SPTA1: variants seen among roughly 807,000 people sequenced by gnomAD.
SPTA1 encodes the protein spectrin alpha chain, erythrocytic 1.
In SPTA1, 177 loss-of-function variants were observed where a neutral mutation model predicts 324.7. The observed-to-expected ratio is 0.55, with a 90% CI of 0.48 to 0.62. The LOEUF (loss-of-function observed/expected upper bound fraction) is 0.62, where lower values mean the gene tolerates loss of function less well. SPTA1 is among the 20% of genes least tolerant of loss of function. The pLI, the probability that SPTA1 is intolerant of heterozygous loss-of-function variation, is 0.00. For missense variants in SPTA1, 3,162 were observed against 2,883.6 expected (o/e 1.10, Z -2.21); for synonymous variants, 1,195 against 1,041.3 (o/e 1.15, Z -2.84).
chr1:158,623,841 G>A (rs990590147), intron 42 of SPTA1, among the ~76,000 whole-genome samples: 1 of 152,200 alleles, frequency 6.6e-6, no homozygotes, highest in Non-Finnish European at 1.5e-5. Flanking sequence ...ACCTGAAAAT[G>A]TGGAAGTGAC....
In SPTA1 at chr1:158,657,593, C is replaced by G. The variant is rs1652920027; in HGVS notation, c.2689G>C (p.Ala897Pro). 2 of 1,614,080 alleles carry G rather than the reference C, an allele frequency of 1.2e-6. No homozygotes were observed. Among genetic ancestry groups the G allele is most frequent in the Non-Finnish European group, 1.7e-6 (2 of 1,179,996 alleles). The change falls in exon 19 of 52, where the codon GCC becomes CCC. Residue 897 changes from alanine (A) to proline (P), a missense_variant. Ala to Pro is a conservative substitution (Grantham distance 27). Coordinates refer to ENST00000643759, the MANE Select transcript of SPTA1 (RefSeq NM_003126.4). ...RAARRQNDLE[A>P]NVQFQQYLAD... ...AGGTACTGCTGGAACTGGACATTGG[C>G]TTCAAGATCATTTTGTCGCCTAGCA...
Position 158,652,647 on chromosome 1 carries a change from G to A in SPTA1, c.3195C>T (p.Arg1065=). 6.2e-7 allele frequency: 1 copy of A among 1,614,112 alleles called. No individual in the cohort carries two copies. The part of the protein sequence containing the change: ...QRQEQIENQY[R]SLLDRAEERR... ...GTTCTTCTGCCCGATCCAAGAGGGAGCGGTATCTGGATGGAGAATTGGGAA... is the reference window on the plus strand; with the variant it reads ...GTTCTTCTGCCCGATCCAAGAGGGAACGGTATCTGGATGGAGAATTGGGAA... The change falls in exon 23 of 52, where the codon CGC becomes CGT. Residue 1065 remains arginine (R), a synonymous_variant. Transcript: ENST00000643759.
chr1:158,633,661 GAAAAAAAAA>G (rs1036389907), intron 39 of SPTA1, among the ~76,000 whole-genome samples: 2 of 61,234 alleles, frequency 3.3e-5, no homozygotes, highest in Non-Finnish European at 7.1e-5. Context: ...ACTCTGTCTC[GAAAAAAAAA>G]AAAAAAAAGA....
rs369680582 is a variant in SPTA1 at position 158,667,976 on chromosome 1, T to C, written c.1920A>G (p.Ile640Met). The C allele has an allele frequency of 1.5e-5, 24 of 1,613,760 alleles. No individual in the cohort carries two copies. The highest frequency in any genetic ancestry group is 1.9e-5 in the Non-Finnish European group (23 of 1,179,980). ...LAVNKTQLEN[I>M]QKTGQEMIEG... ...CAATCATCTCTTGGCCAGTTTTCTG[T>C]ATGTTTTCCAGCTGGGTCTTATTAA... Residue 640 changes from isoleucine (I) to methionine (M), a missense_variant, in exon 15 of 52, where the codon ATA becomes ATG. Coordinates refer to ENST00000643759, the MANE Select transcript of SPTA1 (RefSeq NM_003126.4).
At position 158,666,449 on chromosome 1, in the gene SPTA1, G is replaced by A; in HGVS notation, c.2087C>T (p.Ala696Val). Residue 696 changes from alanine to valine, a missense_variant, in exon 16 of 52, where the codon GCA (alanine) becomes GTA (valine). Transcript: ENST00000643759. ...ANQQLQFENN[A>V]EDLQRWLEDV... ...CTCCAGCCAGCGCTGCAAATCTTCT[G>A]CATTATTTTCAAATTGCAGCTGCTG... The A allele has an allele frequency of 6.2e-7, 1 of 1,612,914 alleles. No homozygotes were observed. Among genetic ancestry groups the A allele is most frequent in the African/African-American group, 1.3e-5 (1 of 74,976 alleles).
intron 16 of SPTA1, 105 bp downstream of exon 16, chr1:158,666,207 ATTAC>A (rs956201461): frequency 5.5e-6 from 6 of 1,091,600 alleles, no homozygotes; most frequent in East Asian, 2.6e-5. Flanking sequence ...ATTGCTTATT[ATTAC>A]TTATTAAGTA....
Position 158,628,502 on chromosome 1 carries a change from G to T in SPTA1, c.5566-779C>A, listed in dbSNP as rs528275388. The stretch of plus-strand genomic sequence containing the variant: ...AATAAAAGGACTTTCAGTTCATGGT[G>T]TTGAGGCACTAAAATAAGATGGTTA... On this transcript the variant is annotated intron_variant, in intron 39 of 51. Coordinates refer to ENST00000643759, the MANE Select transcript of SPTA1 (RefSeq NM_003126.4). Among the ~76,000 whole-genome samples, 7 of 152,284 alleles carry T rather than the reference G, an allele frequency of 4.6e-5. No homozygotes were observed. In the East Asian group the frequency reaches 1.3e-3, roughly 29 times the overall value.
At chr1:158,675,037 T>C (rs997796255) in intron 8 of SPTA1, among the ~76,000 whole-genome samples, 4 of 152,158 alleles carry the variant, frequency 2.6e-5, no homozygotes, top group African/African-American at 9.7e-5. Context: ...AATCACCTTA[T>C]GGGAAGGAAG....
intron 33 of SPTA1, among the ~76,000 whole-genome samples, chr1:158,641,180 A>G (rs1348850577): frequency 1.3e-5 from 2 of 152,134 alleles, no homozygotes; most frequent in African/African-American, 4.8e-5. Flanking sequence ...AAAGACTTAA[A>G]TGTTAGACCT....
At chr1:158,671,598 A>C in intron 11 of SPTA1, 145 bp from the exon 12 acceptor site, 2 of 706,830 alleles carry the variant, frequency 2.8e-6, no homozygotes, top group Non-Finnish European at 5.0e-6. Context: ...AATTAACTTT[A>C]AACAGCAGGA....
At position 158,626,175 on chromosome 1, in the gene SPTA1, C is replaced by A; in HGVS notation, c.5881G>T (p.Gly1961Cys). 2 of 1,613,742 alleles carry A rather than the reference C, an allele frequency of 1.2e-6. No individual in the cohort carries two copies. The highest frequency in any genetic ancestry group is 1.7e-6 in the Non-Finnish European group (2 of 1,179,730). ...LKTNGNGADL[G>C]DFLTLLAKQD... ...TTTGCCAGAAGAGTGAGGAAGTCAC[C>A]AAGGTCTGCACCATTGCCATTGGTC... Residue 1961 changes from glycine (G) to cysteine (C), a missense_variant, in exon 42 of 52, where the codon GGT becomes TGT. Gly to Cys is a radical substitution (Grantham distance 159). Transcript: ENST00000643759.
Position 158,638,084 on chromosome 1 carries a change from T to A in SPTA1, c.5138A>T (p.Tyr1713Phe). ...AAHHEKLKEA[Y>F]ALFQFFQDLD... is the part of the protein sequence containing the mutation. Reference sequence around the variant, plus strand: ...ATCCTGGAAGAACTGGAACAAGGCATAGGCCTCTTTCAATTTTTCGTGGTG... The same window carrying A: ...ATCCTGGAAGAACTGGAACAAGGCAAAGGCCTCTTTCAATTTTTCGTGGTG... Residue 1713 changes from tyrosine (Y) to phenylalanine (F), a missense_variant, in exon 36 of 52, where the codon TAT (tyrosine) becomes TTT (phenylalanine). Tyr to Phe is a conservative substitution (Grantham distance 22, BLOSUM62 3). Transcript: ENST00000643759. 1 of 1,614,010 alleles carries A rather than the reference T, an allele frequency of 6.2e-7. No homozygotes were observed.
At chr1:158,670,642 T>C (rs1038526337) in intron 12 of SPTA1, among the ~76,000 whole-genome samples, 1 of 152,190 alleles carries the variant, frequency 6.6e-6, no homozygotes, top group Admixed American at 6.5e-5. Context: ...TACAATGTAT[T>C]GGACCCATGA....
At chr1:158,624,014 T>A (rs1375085202) in intron 42 of SPTA1, among the ~76,000 whole-genome samples, 1 of 152,202 alleles carries the variant, frequency 6.6e-6, no homozygotes, top group Non-Finnish European at 1.5e-5. Context: ...GCCCCAAGAC[T>A]TGGCAGCTTC....
rs1379377592 is a variant in SPTA1 at position 158,642,914 on chromosome 1, A to T, written c.4505T>A (p.Leu1502Gln). The T allele has an allele frequency of 6.2e-7, 1 of 1,613,684 alleles. No individual in the cohort carries two copies. The highest frequency in any genetic ancestry group is 1.3e-5 in the African/African-American group (1 of 74,872). ...CTCAAGGTCTCGGTAGAATTGTTTT[A>T]GGTTGGCATAGTCTCCAAGCTTTGT... ...ERTKLGDYAN[L>Q]KQFYRDLEEL... The change falls in exon 32 of 52, where the codon CTA becomes CAA. Residue 1502 changes from leucine (L) to glutamine (Q), a missense_variant. Coordinates refer to ENST00000643759, the MANE Select transcript of SPTA1 (RefSeq NM_003126.4).
chr1:158,675,070 C>A (rs1180422356), intron 8 of SPTA1, among the ~76,000 whole-genome samples: 1 of 152,092 alleles, frequency 6.6e-6, no homozygotes, highest in Non-Finnish European at 1.5e-5. Flanking sequence ...CATTAGGATT[C>A]CTCATCTATC....
Position 158,667,896 on chromosome 1 carries a change from C to G in SPTA1, c.2000G>C (p.Ser667Thr), listed in dbSNP as rs966176383. Residue 667 changes from serine to threonine, a missense_variant, in exon 15 of 52, where the codon AGC (serine) becomes ACC (threonine). Ser to Thr is a moderately conservative substitution (Grantham distance 58, BLOSUM62 1). Transcript: ENST00000643759. ...NVTTRLSEVASLWEELLEATK... is the reference protein window; with the variant it reads ...NVTTRLSEVATLWEELLEATK... ...AGCCTCCAGCAACTCCTCCCAGAGG[C>G]TGGCAACTTCACTCAGACGAGTGGT... 1.9e-6 allele frequency: 3 copies of G among 1,613,926 alleles called. No individual in the cohort carries two copies. The highest frequency in any genetic ancestry group is 1.7e-5 in the Admixed American group (1 of 59,986).
rs1224092272 is a variant in SPTA1, at chr1:158,648,513, T to C, written c.3710A>G (p.Asp1237Gly). 4 of 1,613,714 alleles carry C rather than the reference T, an allele frequency of 2.5e-6. No individual in the cohort carries two copies. In the Admixed American group the frequency reaches 5.0e-5, roughly 20 times the overall value. Residue 1237 changes from aspartate to glycine, a missense_variant, in exon 26 of 52, where the codon GAT becomes GGT. Transcript: ENST00000643759. ...GCTTTGAAGGACTTGTCTCACCTTA[T>C]CTCCCAGGGGTACGAGGTCCCTTTC... ...GFERDLVPLG[D>G]KVTILGETAE...
chr1:158,622,910 A>G lies in SPTA1; in HGVS notation c.6120+73T>C, dbSNP rs1279527904. The G allele has an allele frequency of 3.2e-5, 42 of 1,330,510 alleles. 2 individuals are homozygous for G. Among genetic ancestry groups the G allele is most frequent in the South Asian group, 2.2e-4 (19 of 84,628 alleles). 82.4% of individuals were successfully genotyped at this position (1,330,510 alleles called of 1,614,324 possible). On this transcript the variant is annotated intron_variant, in intron 43 of 51. Transcript: ENST00000643759. ...TTGTATTATCCAAACTGAGTTTCCA[A>G]TATCTGTTTCCGAATTTCATGGCTA...
Sources: allele counts gnomAD v4.1 joint callset (sites outside exome capture counted in the v4.1 genomes callset), GRCh38; gene constraint gnomAD v4.1.1; transcripts MANE v1.5; gene names NCBI Gene and HGNC (gene_info 2026-07-23, HGNC 2026-07-21).